CAMK2D: variants seen among roughly 807,000 people sequenced by gnomAD.
The protein encoded by CAMK2D is calcium/calmodulin dependent protein kinase II delta, also known as calcium/calmodulin-dependent protein kinase type II subunit delta.
In CAMK2D, 37 loss-of-function variants were observed where a neutral mutation model predicts 84.0. That is an observed-to-expected ratio of 0.44 (90% CI 0.34 to 0.58). The LOEUF (loss-of-function observed/expected upper bound fraction) is 0.58. CAMK2D is among the 20% of genes least tolerant of loss of function. The pLI is 0.02. For synonymous variants in CAMK2D, 202 were observed against 212.5 expected (o/e 0.95, Z 0.43); for missense variants, 448 against 652.5 (o/e 0.69, Z 3.41).
intron 2 of CAMK2D, among the ~76,000 whole-genome samples, chr4:113,720,273 C>G (rs2099526393): frequency 6.6e-6 from 1 of 151,784 alleles, no homozygotes; most frequent in South Asian, 2.1e-4. Flanking sequence ...TAGTAGTAAC[C>G]AAATTTAAGT....
intron 4 of CAMK2D, among the ~76,000 whole-genome samples, chr4:113,574,488 G>T (rs369176175): frequency 6.6e-6 from 1 of 152,156 alleles, no homozygotes; most frequent in Non-Finnish European, 1.5e-5. Flanking sequence ...CATCAGTCAC[G>T]AAGGAAAAGG....
chr4:113,752,683 T>C (rs2099620028), intron 2 of CAMK2D, among the ~76,000 whole-genome samples: 1 of 152,188 alleles, frequency 6.6e-6, no homozygotes, highest in Non-Finnish European at 1.5e-5. Context: ...GAGATATTTT[T>C]AATCAGTTAA....
chr4:113,659,798 G>A (rs6845330), intron 3 of CAMK2D, among the ~76,000 whole-genome samples: 25,411 of 152,130 alleles, frequency 0.17, 3,360 homozygotes, highest in African/African-American at 0.35. Flanking sequence ...AATGCTTCTA[G>A]AGAGGTAGAT....
At chr4:113,584,741 G>C (rs1292613291) in intron 4 of CAMK2D, among the ~76,000 whole-genome samples, 2 of 152,150 alleles carry the variant, frequency 1.3e-5, no homozygotes, top group Admixed American at 6.6e-5. Context: ...GGCAGACCCA[G>C]CAGGCTACAT....
chr4:113,665,618 C>A (rs2099254345), intron 2 of CAMK2D, among the ~76,000 whole-genome samples: 1 of 152,148 alleles, frequency 6.6e-6, no homozygotes, highest in African/African-American at 2.4e-5. Context: ...TGAAGATTTT[C>A]TTTTATTATC....
At chr4:113,637,879 A>T (rs2154291928) in intron 3 of CAMK2D, among the ~76,000 whole-genome samples, 1 of 152,270 alleles carries the variant, frequency 6.6e-6, no homozygotes, top group African/African-American at 2.4e-5. Context: ...ACTAAATAAT[A>T]ATAAATACTA....
chr4:113,740,387 G>GAA (rs34846308), intron 2 of CAMK2D, among the ~76,000 whole-genome samples: 31 of 151,436 alleles, frequency 2.0e-4, no homozygotes, highest in Non-Finnish European at 3.1e-4. Flanking sequence ...AAGCCAATCA[G>GAA]AAAAAAAAAT....
chr4:113,692,689 C>A (rs1197843847), intron 2 of CAMK2D, among the ~76,000 whole-genome samples: 2 of 151,894 alleles, frequency 1.3e-5, no homozygotes, highest in African/African-American at 2.4e-5. Context: ...CTCATACATA[C>A]ATACATATAT....
rs1018928530 is a variant in CAMK2D at position 113,537,178 on chromosome 4, T to A, written c.517+163A>T. On this transcript the variant is annotated intron_variant, in intron 7 of 20. Coordinates refer to ENST00000511664, the MANE Select transcript of CAMK2D (RefSeq NM_001321571.2). Reference sequence around the variant, plus strand: ...TATTTCTAGATTATATAACCTTTTATGTCAACAAAATTAAATGCTTATAAA... The same window carrying A: ...TATTTCTAGATTATATAACCTTTTAAGTCAACAAAATTAAATGCTTATAAA... Among the ~76,000 whole-genome samples the A allele has an allele frequency of 2.0e-5, 3 of 151,838 alleles. No individual in the cohort carries two copies. The East Asian group carries it at 5.8e-4, about 29-fold the overall frequency.
At chr4:113,611,344 T>C (rs1402282932) in intron 3 of CAMK2D, among the ~76,000 whole-genome samples, 2 of 152,192 alleles carry the variant, frequency 1.3e-5, no homozygotes, top group Admixed American at 1.3e-4. Flanking sequence ...GCAGCTATAA[T>C]ACAGTATGTA....
chr4:113,629,241 T>C (rs1328318405), intron 3 of CAMK2D, among the ~76,000 whole-genome samples: 1 of 152,066 alleles, frequency 6.6e-6, no homozygotes, highest in Non-Finnish European at 1.5e-5. Context: ...TTAAATCATC[T>C]GAACAAACAA....
chr4:113,623,707 CTGT>C, intron 3 of CAMK2D, among the ~76,000 whole-genome samples: 1 of 152,012 alleles, frequency 6.6e-6, no homozygotes, highest in Admixed American at 6.6e-5. Context: ...TGCAGGCAGT[CTGT>C]TGTTAACTAA....
At chr4:113,462,848 C>CA (rs140068406) in intron 17 of CAMK2D, among the ~76,000 whole-genome samples, 6,036 of 141,414 alleles carry the variant, frequency 0.043, 362 homozygotes, top group East Asian at 0.22. Context: ...AATGCTATTG[C>CA]AAAAAAAAAA....
intron 12 of CAMK2D, among the ~76,000 whole-genome samples, chr4:113,511,205 G>T (rs114764507): frequency 6.6e-6 from 1 of 152,078 alleles, no homozygotes; most frequent in Non-Finnish European, 1.5e-5. Flanking sequence ...GAGCATGTTT[G>T]GCAATGAAAT....
At chr4:113,647,059 T>C (rs2099154887) in intron 3 of CAMK2D, among the ~76,000 whole-genome samples, 1 of 152,156 alleles carries the variant, frequency 6.6e-6, no homozygotes, top group Non-Finnish European at 1.5e-5. Context: ...TGTTACACCA[T>C]AGTAACACAT....
At chr4:113,616,546 A>C (rs753834495) in intron 3 of CAMK2D, among the ~76,000 whole-genome samples, 7 of 152,200 alleles carry the variant, frequency 4.6e-5, no homozygotes, top group Non-Finnish European at 8.8e-5. Context: ...CAAAATAGTT[A>C]TTACCTGGGA....
chr4:113,568,564 C>T (rs1021111258), intron 4 of CAMK2D, among the ~76,000 whole-genome samples: 4 of 152,170 alleles, frequency 2.6e-5, no homozygotes, highest in African/African-American at 9.7e-5. Flanking sequence ...TGAGTCCCTG[C>T]TTTCAATTCT....
chr4:113,591,228 A>G lies in CAMK2D; in HGVS notation c.275+17924T>C, dbSNP rs543715197. On this transcript the variant is annotated intron_variant, in intron 4 of 20. Coordinates refer to ENST00000511664, the MANE Select transcript of CAMK2D (RefSeq NM_001321571.2). ...AAGTACCTATTTCTGAGTCTGCTAA[A>G]TGTCTATTAACACAATGTCATTGCA... 7.2e-5 allele frequency among the ~76,000 whole-genome samples: 11 copies of G among 152,270 alleles called. No individual in the cohort carries two copies. The South Asian group carries it at 1.9e-3, about 26-fold the overall frequency.
chr4:113,626,710 C>A (rs2099069745), intron 3 of CAMK2D, among the ~76,000 whole-genome samples: 1 of 152,120 alleles, frequency 6.6e-6, no homozygotes, highest in Non-Finnish European at 1.5e-5. Context: ...CCATTCCTTG[C>A]AGGCAAATAG....
Sources: allele counts gnomAD v4.1 joint callset (sites outside exome capture counted in the v4.1 genomes callset), GRCh38; gene constraint gnomAD v4.1.1; transcripts MANE v1.5; gene names NCBI Gene and HGNC (gene_info 2026-07-23, HGNC 2026-07-21).